CWF19L2: variants seen among roughly 807,000 people sequenced by gnomAD.
The protein encoded by CWF19L2 is CWF19 like cell cycle control factor 2.
A neutral mutation model predicts 111.7 loss-of-function variants in CWF19L2; 98 were observed. The ratio of observed to expected loss-of-function variants is 0.88; its 90% CI spans 0.75 to 1.04. The LOEUF is 1.04. Ranked by LOEUF, CWF19L2 falls within the 50% of genes least tolerant of loss-of-function variation. The pLI, the probability that CWF19L2 is intolerant of heterozygous loss-of-function variation, is 0.00. For missense variants in CWF19L2, 1,101 were observed against 1,051.4 expected, an observed-to-expected ratio of 1.05 and a Z score of -0.65; for synonymous variants, 351 against 342.9, an observed-to-expected ratio of 1.02 and a Z score of -0.26.
intron 10 of CWF19L2, among the ~76,000 whole-genome samples, chr11:107,410,393 A>G (rs769155798): frequency 3.3e-5 from 5 of 152,280 alleles, no homozygotes; most frequent in South Asian, 2.1e-4. Context: ...TGTTTTATAC[A>G]TATATATACT....
chr11:107,389,938 A>T (rs1043236145), intron 12 of CWF19L2, 136 bp downstream of exon 12: 1 of 712,022 alleles, frequency 1.4e-6, no homozygotes, highest in Non-Finnish European at 2.2e-6. Flanking sequence ...CATGTTTCTA[A>T]TAAGTCTTAC....
chr11:107,370,949 T>C lies in CWF19L2; in HGVS notation c.1873-17213A>G, dbSNP rs1297260090. Among the ~76,000 whole-genome samples the C allele has an allele frequency of 2.2e-5, 3 of 137,432 alleles. No individual in the cohort carries two copies. The East Asian group carries it at 6.3e-4, about 29-fold the overall frequency. 90.2% of individuals were successfully genotyped at this position (137,432 alleles called of 152,430 possible). A position where few individuals can be genotyped will look rare whatever the true frequency, so the allele number is the denominator to read the frequency against. ...TGTACAATACCTTTAAGAAAACTAT[T>C]TAACAAAAATTATTCTTTTTCGAGA... On this transcript the variant is annotated intron_variant, in intron 12 of 17. Coordinates refer to ENST00000282251, the MANE Select transcript of CWF19L2 (RefSeq NM_152434.3).
chr11:107,352,844 T>C (rs1478054449), intron 13 of CWF19L2, among the ~76,000 whole-genome samples: 1 of 152,170 alleles, frequency 6.6e-6, no homozygotes, highest in African/African-American at 2.4e-5. Flanking sequence ...TCCCAAACTA[T>C]TCGTTCCTGA....
chr11:107,427,339 G>C (rs907714719), intron 8 of CWF19L2, among the ~76,000 whole-genome samples: 1 of 151,878 alleles, frequency 6.6e-6, no homozygotes, highest in African/African-American at 2.4e-5. Context: ...AAAGAATACT[G>C]TCTTCAAAGG....
At chr11:107,355,545 T>C (rs1268794139) in intron 12 of CWF19L2, among the ~76,000 whole-genome samples, 1 of 151,552 alleles carries the variant, frequency 6.6e-6, no homozygotes, top group African/African-American at 2.4e-5. Context: ...GATGGAGCAG[T>C]TCTATTCATG....
chr11:107,385,538 T>C (rs1364819478), intron 12 of CWF19L2, among the ~76,000 whole-genome samples: 1 of 152,192 alleles, frequency 6.6e-6, no homozygotes, highest in African/African-American at 2.4e-5. Flanking sequence ...GGGAAAGTAA[T>C]GAAGATGCAA....
chr11:107,441,303 T>A (rs1189606208), intron 5 of CWF19L2, among the ~76,000 whole-genome samples, 200 bp downstream of exon 5: 1 of 152,188 alleles, frequency 6.6e-6, no homozygotes, highest in Non-Finnish European at 1.5e-5. Context: ...GATTTATAAA[T>A]CTAGTAAACC....
intron 16 of CWF19L2, 68 bp from the exon 17 acceptor site, chr11:107,330,087 C>T: frequency 1.2e-6 from 1 of 866,338 alleles, no homozygotes; most frequent in East Asian, 2.8e-5. Context: ...AATCCCTCCC[C>T]TCTTCTCTGG....
chr11:107,389,879 C>T (rs568476679), intron 12 of CWF19L2, among the ~76,000 whole-genome samples, 195 bp downstream of exon 12: 16 of 152,270 alleles, frequency 1.1e-4, no homozygotes, highest in African/African-American at 2.9e-4. Context: ...TATTTAAAAA[C>T]AAACAACATT....
chr11:107,368,950 A>G (rs1310172161), intron 12 of CWF19L2, among the ~76,000 whole-genome samples: 1 of 137,622 alleles, frequency 7.3e-6, no homozygotes, highest in East Asian at 2.1e-4. Flanking sequence ...GAAATACAAA[A>G]GAGCATCAGA....
intron 10 of CWF19L2, among the ~76,000 whole-genome samples, chr11:107,413,149 A>C (rs1428672789): frequency 6.6e-6 from 1 of 152,206 alleles, no homozygotes; most frequent in Non-Finnish European, 1.5e-5. Context: ...GTGTCAACGC[A>C]GGTTCATCAA....
chr11:107,440,071 G>C (rs1048830036), intron 5 of CWF19L2, among the ~76,000 whole-genome samples: 15 of 152,150 alleles, frequency 9.9e-5, no homozygotes, highest in Admixed American at 2.0e-4. Context: ...CGCGGCCATG[G>C]TCCTTGCCAT....
intron 12 of CWF19L2, among the ~76,000 whole-genome samples, chr11:107,386,515 C>G (rs754261460): frequency 1.3e-5 from 2 of 152,166 alleles, no homozygotes; most frequent in Non-Finnish European, 2.9e-5. Context: ...CCAGAAACCT[C>G]TACACTGCCA....
Position 107,336,630 on chromosome 11 carries a change from T to C in CWF19L2, c.2286A>G (p.Lys762=). The change falls in exon 15 of 18, where the codon AAA becomes AAG. Residue 762 remains lysine, a synonymous_variant. Transcript: ENST00000282251. ...TACATTCATAAACCATGTGATACTG[T>C]TTCTTCATGCTCATATTAGTTTCCA... The part of the protein sequence containing the change: ...IFLETNMSMK[K]QYHMVYECIP... 1.2e-6 allele frequency: 2 copies of C among 1,605,060 alleles called. No individual in the cohort carries two copies. The highest frequency in any genetic ancestry group is 1.7e-6 in the Non-Finnish European group (2 of 1,174,820).
intron 6 of CWF19L2, among the ~76,000 whole-genome samples, chr11:107,436,974 C>T (rs1225001371): frequency 6.6e-6 from 1 of 152,136 alleles, no homozygotes; most frequent in East Asian, 1.9e-4. Context: ...ATTCCCATTA[C>T]TAAAATATGA....
intron 16 of CWF19L2, among the ~76,000 whole-genome samples, chr11:107,331,202 A>G (rs1859845439): frequency 6.6e-6 from 1 of 152,216 alleles, no homozygotes; most frequent in Non-Finnish European, 1.5e-5. Flanking sequence ...TAAAGGAGAT[A>G]GACAAGGCTC....
chr11:107,361,159 T>C (rs1860327000), intron 12 of CWF19L2, among the ~76,000 whole-genome samples: 1 of 152,244 alleles, frequency 6.6e-6, no homozygotes, highest in Non-Finnish European at 1.5e-5. Context: ...AGTTTCATAC[T>C]TCTTCTGCAT....
At chr11:107,430,788 T>C (rs1315065880) in intron 7 of CWF19L2, among the ~76,000 whole-genome samples, 1 of 151,946 alleles carries the variant, frequency 6.6e-6, no homozygotes, top group Admixed American at 6.6e-5. Context: ...AGCCTGGAGA[T>C]ACGATGTACA....
At chr11:107,328,972 T>G (rs2134515949) in intron 17 of CWF19L2, among the ~76,000 whole-genome samples, 1 of 152,304 alleles carries the variant, frequency 6.6e-6, no homozygotes, top group South Asian at 2.1e-4. Context: ...GAATCAAACC[T>G]CTGGAGTTGA....
Sources: allele counts gnomAD v4.1 joint callset (sites outside exome capture counted in the v4.1 genomes callset), GRCh38; gene constraint gnomAD v4.1.1; transcripts MANE v1.5; gene names NCBI Gene and HGNC (gene_info 2026-07-23, HGNC 2026-07-21).